Variants in XPR1 observed in about 807,000 individuals in gnomAD.
The protein encoded by XPR1 is xenotropic and polytropic retrovirus receptor 1, also known as solute carrier family 53 member 1.
A neutral mutation model predicts 87.5 loss-of-function variants in XPR1; 28 were observed. The ratio of observed to expected loss-of-function variants is 0.32; its 90% CI spans 0.24 to 0.44. The LOEUF (loss-of-function observed/expected upper bound fraction) is 0.44. Ranked by LOEUF, XPR1 falls within the 20% of genes least tolerant of loss-of-function variation. The pLI, the probability that XPR1 is intolerant of heterozygous loss-of-function variation, is 1.00. For missense variants in XPR1, 559 were observed against 862.3 expected (o/e 0.65, Z 4.41); for synonymous variants, 300 against 306.1 (o/e 0.98, Z 0.21).
At chr1:180,737,921 G>A (rs1190749334) in intron 2 of XPR1, among the ~76,000 whole-genome samples, 1 of 152,156 alleles carries the variant, frequency 6.6e-6, no homozygotes, top group Non-Finnish European at 1.5e-5. Flanking sequence ...TTTGTGTACA[G>A]GTTTTTGTGT....
intron 2 of XPR1, among the ~76,000 whole-genome samples, chr1:180,754,391 A>T (rs1027269377): frequency 7.9e-5 from 12 of 152,182 alleles, no homozygotes; most frequent in Admixed American, 2.0e-4. Flanking sequence ...TAGTATAGAA[A>T]AATATTTAAT....
At chr1:180,675,433 G>A (rs3856058) in intron 1 of XPR1, among the ~76,000 whole-genome samples, 111,828 of 152,154 alleles carry the variant, frequency 0.73, 41,575 homozygotes, top group African/African-American at 0.8. Flanking sequence ...GCTATCTGCC[G>A]AGGAACAAAA....
intron 8 of XPR1, 82 bp downstream of exon 8, chr1:180,825,025 C>T: frequency 6.6e-7 from 1 of 1,504,472 alleles, no homozygotes; most frequent in South Asian, 1.3e-5. Flanking sequence ...TACTTAAATC[C>T]ATCCTCTACT....
chr1:180,808,203 A>G (rs1029162597), intron 6 of XPR1, among the ~76,000 whole-genome samples: 1 of 152,042 alleles, frequency 6.6e-6, no homozygotes, highest in African/African-American at 2.4e-5. Flanking sequence ...CGAACAACAG[A>G]TATTTGATAA....
chr1:180,874,320 C>G (rs1571909496), intron 13 of XPR1, among the ~76,000 whole-genome samples: 2 of 152,256 alleles, frequency 1.3e-5, no homozygotes, highest in East Asian at 3.8e-4. Flanking sequence ...AGAAATCAAT[C>G]ATTTTTTGCA....
chr1:180,687,391 G>A (rs1656820938), intron 2 of XPR1, among the ~76,000 whole-genome samples: 1 of 151,996 alleles, frequency 6.6e-6, no homozygotes, highest in Admixed American at 6.6e-5. Flanking sequence ...TAACTTCTTT[G>A]GGCCATGTTA....
At chr1:180,757,575 C>G (rs1247309740) in intron 2 of XPR1, among the ~76,000 whole-genome samples, 5 of 147,710 alleles carry the variant, frequency 3.4e-5, no homozygotes, top group African/African-American at 1.2e-4. Context: ...GTGGCCCAAT[C>G]ATGGTTCACT....
intron 1 of XPR1, among the ~76,000 whole-genome samples, chr1:180,651,017 C>A (rs150367428): frequency 2.0e-5 from 3 of 151,774 alleles, no homozygotes; most frequent in Non-Finnish European, 4.4e-5. Flanking sequence ...GGTATTAGTA[C>A]GCAGTCTTTT....
At chr1:180,728,522 A>C (rs1418972137) in intron 2 of XPR1, among the ~76,000 whole-genome samples, 1 of 152,270 alleles carries the variant, frequency 6.6e-6, no homozygotes, top group Non-Finnish European at 1.5e-5. Context: ...GTTAAAGCGC[A>C]TATTCCGATT....
intron 2 of XPR1, among the ~76,000 whole-genome samples, chr1:180,699,382 A>G (rs569070930): frequency 3.0e-3 from 315 of 103,762 alleles, no homozygotes; most frequent in Middle Eastern, 0.013. Flanking sequence ...ACCCCACCAC[A>G]GTCCCCAGAG....
At chr1:180,712,720 C>A (rs967499172) in intron 2 of XPR1, among the ~76,000 whole-genome samples, 1 of 151,870 alleles carries the variant, frequency 6.6e-6, no homozygotes, top group African/African-American at 2.4e-5. Flanking sequence ...ACAGGAGAAT[C>A]GCTTGAACCT....
intron 11 of XPR1, among the ~76,000 whole-genome samples, chr1:180,841,918 T>C (rs1013915340): frequency 2.0e-5 from 3 of 152,140 alleles, no homozygotes; most frequent in African/African-American, 7.2e-5. Flanking sequence ...ACAGAAAATT[T>C]GACATTGAAT....
chr1:180,825,285 C>G lies in XPR1; in HGVS notation c.1075C>G (p.Leu359Val). 1 of 1,613,948 alleles carries G rather than the reference C, an allele frequency of 6.2e-7. No individual in the cohort carries two copies. Among genetic ancestry groups the G allele is most frequent in the East Asian group, 2.2e-5 (1 of 44,870 alleles). ...LALYGFMVFF[L>V]INPTKTFYYK... is the part of the protein sequence containing the mutation. ...CCTTTATGGATTTATGGTTTTCTTC[C>G]TTATCAACCCCACCAAAACTTTCTA... Residue 359 changes from leucine (L) to valine (V), a missense_variant, in exon 9 of 15, where the codon CTT becomes GTT. Leu to Val is a conservative substitution (Grantham distance 32). This residue lies in a region of XPR1 where 264 missense variants were observed against 377.2 expected (regional missense o/e 0.70). Coordinates refer to ENST00000367590, the MANE Select transcript of XPR1 (RefSeq NM_004736.4).
chr1:180,676,066 G>A (rs1203170295), intron 1 of XPR1, among the ~76,000 whole-genome samples: 4 of 152,084 alleles, frequency 2.6e-5, no homozygotes, highest in Non-Finnish European at 5.9e-5. Flanking sequence ...ATGAAGACTC[G>A]TCATTTTTCT....
chr1:180,744,795 C>T (rs1659033969), intron 2 of XPR1, among the ~76,000 whole-genome samples: 2 of 151,762 alleles, frequency 1.3e-5, no homozygotes, highest in South Asian at 4.2e-4. Context: ...GGATTACAGG[C>T]ACATACCACC....
intron 2 of XPR1, among the ~76,000 whole-genome samples, chr1:180,779,253 A>G (rs1049641069): frequency 2.0e-5 from 3 of 152,120 alleles, no homozygotes; most frequent in African/African-American, 7.2e-5. Flanking sequence ...CACTTTTTAT[A>G]GTCTATAATT....
chr1:180,810,057 A>G (rs996896315), intron 6 of XPR1, among the ~76,000 whole-genome samples: 8 of 152,196 alleles, frequency 5.3e-5, no homozygotes, highest in Non-Finnish European at 1.0e-4. Flanking sequence ...TAACATTCAC[A>G]GCAAATATTT....
At chr1:180,771,714 CATTT>C (rs1648521794) in intron 2 of XPR1, among the ~76,000 whole-genome samples, 1 of 152,174 alleles carries the variant, frequency 6.6e-6, no homozygotes, top group Non-Finnish European at 1.5e-5. Flanking sequence ...GATGTTTTCT[CATTT>C]TTGGATTCAG....
chr1:180,826,093 A>G (rs1007592757), intron 9 of XPR1, among the ~76,000 whole-genome samples: 15 of 152,140 alleles, frequency 9.9e-5, no homozygotes, highest in Non-Finnish European at 1.9e-4. Flanking sequence ...CTTGTTTATA[A>G]TAAGTTCTTT....
Sources: allele counts gnomAD v4.1 joint callset (sites outside exome capture counted in the v4.1 genomes callset), GRCh38; gene constraint gnomAD v4.1.1; regional missense constraint gnomAD v4.1.1; transcripts MANE v1.5; gene names NCBI Gene and HGNC (gene_info 2026-07-23, HGNC 2026-07-21).